ZSWIM2: variants seen among roughly 807,000 people sequenced by gnomAD.
The protein encoded by ZSWIM2 is zinc finger SWIM-type containing 2.
Under a neutral mutation model 48.4 loss-of-function variants are expected in ZSWIM2, and 38 were observed. That is an observed-to-expected ratio of 0.79 (90% CI 0.61 to 1.03). The LOEUF (loss-of-function observed/expected upper bound fraction) is 1.03, where lower values mean the gene tolerates loss of function less well. Among genes scored for constraint, ZSWIM2 ranks in the 50% least tolerant of loss-of-function variants. ZSWIM2 has a pLI of 0.00. For missense variants in ZSWIM2, 776 were observed against 730.2 expected (o/e 1.06, Z -0.72); for synonymous variants, 240 against 251.3 (o/e 0.96, Z 0.42).
At chr2:186,837,115 C>T (rs548326197) in intron 5 of ZSWIM2, among the ~76,000 whole-genome samples, 191 bp downstream of exon 5, 17 of 152,060 alleles carry the variant, frequency 1.1e-4, no homozygotes, top group Admixed American at 6.6e-4. Context: ...GAAAATAAAA[C>T]GATTGGAGTT....
chr2:186,839,203 C>A, intron 3 of ZSWIM2, 34 bp from the exon 4 acceptor site: 1 of 1,597,590 alleles, frequency 6.3e-7, no homozygotes, highest in South Asian at 1.1e-5. Flanking sequence ...AAAATCCAGT[C>A]ATAAAATTGG....
Position 186,828,036 on chromosome 2 carries a change from A to T in ZSWIM2, c.1850T>A (p.Val617Glu). The T allele has an allele frequency of 6.2e-7, 1 of 1,610,888 alleles. No individual in the cohort carries two copies. Among genetic ancestry groups the T allele is most frequent in the Non-Finnish European group, 8.5e-7 (1 of 1,178,940 alleles). Residue 617 changes from valine to glutamate, a missense_variant, in exon 9 of 9, where the codon GTA becomes GAA. Coordinates refer to ENST00000295131, the MANE Select transcript of ZSWIM2 (RefSeq NM_182521.3). ...AGATAGCTCAGTACTTTTTGTATTT[A>T]CAGAGTGAGACACAGGCTGTCTTGA... is the stretch of plus-strand genomic sequence containing the variant. The part of the protein sequence containing the change: ...HLSRQPVSHS[V>E]NTKSTELSLI...
chr2:186,828,297 C>A lies in ZSWIM2; in HGVS notation c.1589G>T (p.Ser530Ile). ...GTGAAATTTTCCACTGATGCATGGACTTTCCATTGCAGTGGGACACACAAT... is the reference window on the plus strand; with the variant it reads ...GTGAAATTTTCCACTGATGCATGGAATTTCCATTGCAGTGGGACACACAAT... ...KNIVCPTAME[S>I]PCISGKFHTS... The change falls in exon 9 of 9, where the codon AGT becomes ATT. Residue 530 changes from serine to isoleucine, a missense_variant. Physicochemically the swap from Ser to Ile is moderately radical, Grantham distance 142. Coordinates refer to ENST00000295131, the MANE Select transcript of ZSWIM2 (RefSeq NM_182521.3). 1 of 1,613,670 alleles carries A rather than the reference C, an allele frequency of 6.2e-7. No homozygotes were observed.
At chr2:186,848,846 G>C (rs1281745647) in intron 1 of ZSWIM2, 120 bp downstream of exon 1, 1 of 1,310,996 alleles carries the variant, frequency 7.6e-7, no homozygotes, top group South Asian at 1.3e-5. Context: ...GCGCTTTCGG[G>C]GGTGAGGCAG....
chr2:186,829,396 T>A (rs140992055), intron 8 of ZSWIM2, among the ~76,000 whole-genome samples: 2 of 152,292 alleles, frequency 1.3e-5, no homozygotes, highest in Non-Finnish European at 2.9e-5. Context: ...ATCTTAAGAA[T>A]CATAAAAATA....
chr2:186,834,518 G>A (rs564471881), intron 5 of ZSWIM2, among the ~76,000 whole-genome samples: 3 of 152,144 alleles, frequency 2.0e-5, no homozygotes, highest in East Asian at 1.9e-4. Context: ...TGTGAACTGC[G>A]CACATGAGAG....
At chr2:186,847,669 C>G (rs199532114) in intron 2 of ZSWIM2, 50 bp downstream of exon 2, 11 of 1,363,814 alleles carry the variant, frequency 8.1e-6, no homozygotes, top group Non-Finnish European at 1.0e-5. Context: ...AAATATTTAA[C>G]ACACCAAGAT....
At chr2:186,843,216 G>A (rs997490633) in intron 3 of ZSWIM2, among the ~76,000 whole-genome samples, 1 of 151,604 alleles carries the variant, frequency 6.6e-6, no homozygotes, top group Non-Finnish European at 1.5e-5. Context: ...GAATAGTGTA[G>A]AGAATAAGAC....
chr2:186,839,016 A>G lies in ZSWIM2; in HGVS notation c.437T>C (p.Ile146Thr), dbSNP rs765944471. ...IKQKEIDSEDICSICQELLLE... is the reference protein window; with the variant it reads ...IKQKEIDSEDTCSICQELLLE... Reference sequence around the variant, plus strand: ...AAGTAGCTCTTGACAAATAGAGCAGATATCCTCTGAATCAATTTCCTTCTG... The same window carrying G: ...AAGTAGCTCTTGACAAATAGAGCAGGTATCCTCTGAATCAATTTCCTTCTG... The change falls in exon 4 of 9, where the codon ATC (isoleucine) becomes ACC (threonine). Residue 146 changes from isoleucine (I) to threonine (T), a missense_variant. Ile to Thr is a moderately conservative substitution (Grantham distance 89). Coordinates refer to ENST00000295131, the MANE Select transcript of ZSWIM2 (RefSeq NM_182521.3). The G allele has an allele frequency of 1.2e-6, 2 of 1,611,748 alleles. No individual in the cohort carries two copies. The highest frequency in any genetic ancestry group is 2.2e-5 in the South Asian group (2 of 90,986).
rs778265163 is a variant in ZSWIM2 at position 186,828,632 on chromosome 2, CTTTGATAGATGAATGA to C, written c.1238_1253del (p.Ile413SerfsTer14). 146 of 1,612,912 alleles carry C rather than the reference CTTTGATAGATGAATGA, an allele frequency of 9.1e-5. 1 individual carries two copies. The East Asian group carries it at 2.7e-3, about 30-fold the overall frequency. On this transcript the variant is annotated frameshift_variant, in exon 9 of 9. Transcript: ENST00000295131. LOFTEE classifies it low-confidence loss of function (END_TRUNC). Reference sequence around the variant, plus strand: ...GAATAAAAAGATCTGGTTCTTTCTGCTTTGATAGATGAATGATGTCTCTGTTTGAAACAGACTGATG... The same window carrying C: ...GAATAAAAAGATCTGGTTCTTTCTGCTGTCTCTGTTTGAAACAGACTGATG...
intron 5 of ZSWIM2, among the ~76,000 whole-genome samples, chr2:186,836,085 T>C (rs918701259): frequency 2.6e-5 from 4 of 152,110 alleles, no homozygotes; most frequent in South Asian, 2.1e-4. Context: ...TGTAAACCAT[T>C]TGGGGAACAT....
rs932472509 is a variant in ZSWIM2 at position 186,837,609 on chromosome 2, A to G, written c.495-55T>C. On this transcript the variant is annotated intron_variant, in intron 4 of 8. Transcript: ENST00000295131. ...TTGTATAGAGCAGTTTTACATATCC[A>G]TTGTATATATATATATATATTATAT... 34 of 777,794 alleles carry G rather than the reference A, an allele frequency of 4.4e-5. No individual in the cohort carries two copies. The African/African-American group carries it at 7.6e-4, about 17-fold the overall frequency. 48.2% of individuals were successfully genotyped at this position (777,794 alleles called of 1,614,324 possible). A position where few individuals can be genotyped will look rare whatever the true frequency, so the allele number is the denominator to read the frequency against.
chr2:186,829,280 C>CCT (rs1473696790), intron 8 of ZSWIM2, among the ~76,000 whole-genome samples: 1 of 152,038 alleles, frequency 6.6e-6, no homozygotes, highest in Non-Finnish European at 1.5e-5. Flanking sequence ...TGGTTATCAA[C>CCT]CACTATATAG....
intron 5 of ZSWIM2, among the ~76,000 whole-genome samples, chr2:186,836,322 C>A (rs1396677158): frequency 6.6e-6 from 1 of 152,082 alleles, no homozygotes; most frequent in Non-Finnish European, 1.5e-5. Flanking sequence ...AGCTGAATAT[C>A]CCTTATTAAA....
At position 186,838,206 on chromosome 2, in the gene ZSWIM2, T is replaced by G. The variant is rs541893202; in HGVS notation, c.495-652A>C. On this transcript the variant is annotated intron_variant, in intron 4 of 8. Coordinates refer to ENST00000295131, the MANE Select transcript of ZSWIM2 (RefSeq NM_182521.3). ...AAAAGTATGAACATTAGACTCTCAA[T>G]AAAGATTTAAAGTATAATAAAAAAA... Among the ~76,000 whole-genome samples the G allele has an allele frequency of 9.7e-3, 1,448 of 149,618 alleles. 21 individuals are homozygous for G. The highest frequency in any genetic ancestry group is 0.035 in the African/African-American group (1,394 of 40,326).
rs1348049321 is a variant in ZSWIM2, at chr2:186,828,606, G to A, written c.1280C>T (p.Pro427Leu). ...SKQKEPDLFIPGTGLVLKQNR... is the reference protein window; with the variant it reads ...SKQKEPDLFILGTGLVLKQNR... The stretch of plus-strand genomic sequence containing the variant: ...TTGTTTTAAGACTAATCCAGTACCA[G>A]GAATAAAAAGATCTGGTTCTTTCTG... The change falls in exon 9 of 9, where the codon CCT becomes CTT. Residue 427 changes from proline (P) to leucine (L), a missense_variant. By Grantham distance (98) the Pro-to-Leu change is moderately conservative. Coordinates refer to ENST00000295131, the MANE Select transcript of ZSWIM2 (RefSeq NM_182521.3). 9.9e-6 allele frequency: 16 copies of A among 1,612,572 alleles called. No individual in the cohort carries two copies. The highest frequency in any genetic ancestry group is 1.4e-5 in the Non-Finnish European group (16 of 1,179,366).
Position 186,837,544 on chromosome 2 carries a change from C to T in ZSWIM2, c.505G>A (p.Gly169Ser), listed in dbSNP as rs1034754406. ...ATGCATTTTATATGAATACTATTGC[C>T]ACAGCCAAACCTATGAGAGATAAAA... ...LPVTFCRFGC[G>S]NSIHIKCMKI... The change falls in exon 5 of 9, where the codon GGC becomes AGC. Residue 169 changes from glycine to serine, a missense_variant. Coordinates refer to ENST00000295131, the MANE Select transcript of ZSWIM2 (RefSeq NM_182521.3). The T allele has an allele frequency of 1.2e-6, 2 of 1,608,874 alleles. No individual in the cohort carries two copies. Among genetic ancestry groups the T allele is most frequent in the Non-Finnish European group, 1.7e-6 (2 of 1,177,318 alleles).
At chr2:186,832,456 A>G (rs1691718805) in intron 7 of ZSWIM2, among the ~76,000 whole-genome samples, 1 of 152,002 alleles carries the variant, frequency 6.6e-6, no homozygotes, top group Non-Finnish European at 1.5e-5. Flanking sequence ...CTATTGCAAA[A>G]GGTCTGGAGA....
chr2:186,837,637 A>ATATTATATATG (rs1559113883), intron 4 of ZSWIM2, 83 bp from the exon 5 acceptor site: 130 of 430,758 alleles, frequency 3.0e-4, no homozygotes, highest in African/African-American at 2.7e-3. Flanking sequence ...TATTATATAT[A>ATATTATATATG]TATTTATATA....
Sources: allele counts gnomAD v4.1 joint callset (sites outside exome capture counted in the v4.1 genomes callset), GRCh38; gene constraint gnomAD v4.1.1; transcripts MANE v1.5; gene names NCBI Gene and HGNC (gene_info 2026-07-23, HGNC 2026-07-21).